The following SHANK2 variants were observed in gnomAD, a reference collection of about 807,000 sequenced individuals.
SHANK2 encodes the protein SH3 and multiple ankyrin repeat domains protein 2.
A neutral mutation model predicts 133.7 loss-of-function variants in SHANK2; 43 were observed. That is an observed-to-expected ratio of 0.32 (90% CI 0.25 to 0.41). The LOEUF (loss-of-function observed/expected upper bound fraction) is 0.41. Ranked by LOEUF, SHANK2 falls within the 10% of genes least tolerant of loss-of-function variation. The pLI is 1.00. For missense variants in SHANK2, 1,994 were observed against 2,235.8 expected (o/e 0.89, Z 2.18); for synonymous variants, 1,017 against 952.8 (o/e 1.07, Z -1.24).
At chr11:70,760,472 C>A (rs782370717) in intron 14 of SHANK2, among the ~76,000 whole-genome samples, 1 of 152,206 alleles carries the variant, frequency 6.6e-6, no homozygotes, top group South Asian at 2.1e-4. Flanking sequence ...ATTTGGAGGC[C>A]ATCGTAATCT....
At chr11:70,899,522 G>A (rs1949994051) in intron 10 of SHANK2, among the ~76,000 whole-genome samples, 1 of 152,134 alleles carries the variant, frequency 6.6e-6, no homozygotes, top group South Asian at 2.1e-4. Context: ...GCTTCCCTTG[G>A]GCATGAAGGT....
intron 17 of SHANK2, among the ~76,000 whole-genome samples, chr11:70,546,971 A>G (rs1313834020): frequency 5.3e-5 from 8 of 151,762 alleles, no homozygotes; most frequent in African/African-American, 1.9e-4. Flanking sequence ...AGAACTCCCG[A>G]CCCTGGATAC....
chr11:70,820,579 G>A lies in SHANK2; in HGVS notation c.1278C>T (p.Leu426=), dbSNP rs781818770. The change falls in exon 12 of 26, where the codon CTC becomes CTT. Residue 426 remains leucine (L), a synonymous_variant. Coordinates refer to ENST00000601538, the MANE Select transcript of SHANK2 (RefSeq NM_012309.5). ...VLLRSNSDNN[L]NASAPDWAVC... is the part of the protein sequence containing the mutation. ...CGGCCCAGTCGGGAGCGCTGGCATT[G>A]AGGTTGTTGTCACTGTTGGAGCGCA... 6 of 716,734 alleles carry A rather than the reference G, an allele frequency of 8.4e-6. No homozygotes were observed. Among genetic ancestry groups the A allele is most frequent in the South Asian group, 7.4e-5 (5 of 67,564 alleles). The allele number at this position is 716,734 out of a possible 1,614,324, so 44.4% of individuals were successfully genotyped here.
intron 8 of SHANK2, among the ~76,000 whole-genome samples, chr11:71,084,950 C>T (rs1011535737): frequency 2.6e-5 from 4 of 152,106 alleles, no homozygotes; most frequent in South Asian, 4.1e-4. Flanking sequence ...CAAATTGCTA[C>T]GGGTCCTATA....
chr11:70,875,401 T>C lies in SHANK2; in HGVS notation c.1174+21100A>G, dbSNP rs367584951. Among the ~76,000 whole-genome samples the C allele has an allele frequency of 4.4e-4, 66 of 151,418 alleles. No homozygotes were observed. The East Asian group carries it at 0.011, about 25-fold the overall frequency. On this transcript the variant is annotated intron_variant, in intron 11 of 25. Coordinates refer to ENST00000601538, the MANE Select transcript of SHANK2 (RefSeq NM_012309.5). ...TTAGCCAGGCGTGGTGGCAGGCGCC[T>C]GTAGTCCCAGCTACTCAGGAGGCTG...
At chr11:70,873,328 A>C (rs1949501484) in intron 11 of SHANK2, among the ~76,000 whole-genome samples, 1 of 152,256 alleles carries the variant, frequency 6.6e-6, no homozygotes, top group Non-Finnish European at 1.5e-5. Flanking sequence ...CGAGACTTGC[A>C]GGGCTTCCAG....
At chr11:70,740,769 A>G (rs1946506261) in intron 14 of SHANK2, among the ~76,000 whole-genome samples, 1 of 152,198 alleles carries the variant, frequency 6.6e-6, no homozygotes, top group African/African-American at 2.4e-5. Context: ...GTAGCAGTGG[A>G]CAGAGGGAGC....
chr11:70,686,761 C>T (rs1313914096), intron 15 of SHANK2, among the ~76,000 whole-genome samples: 1 of 152,184 alleles, frequency 6.6e-6, no homozygotes. Flanking sequence ...ACCAAAGACA[C>T]CTCCCTGCTT....
chr11:70,620,760 T>C (rs1320211390), intron 17 of SHANK2, among the ~76,000 whole-genome samples: 1 of 152,108 alleles, frequency 6.6e-6, no homozygotes, highest in Non-Finnish European at 1.5e-5. Context: ...AAGAAGAAAC[T>C]CCAGAGAGCT....
At chr11:70,789,368 T>C (rs1947738653) in intron 14 of SHANK2, among the ~76,000 whole-genome samples, 1 of 152,184 alleles carries the variant, frequency 6.6e-6, no homozygotes, top group Non-Finnish European at 1.5e-5. Context: ...CCTATGCTTA[T>C]GGCTAGCTTC....
intron 11 of SHANK2, among the ~76,000 whole-genome samples, chr11:70,839,392 C>T (rs1254919629): frequency 6.6e-6 from 1 of 152,182 alleles, no homozygotes; most frequent in Non-Finnish European, 1.5e-5. Context: ...TATCCGGCAG[C>T]CAGCGCAGTC....
intron 10 of SHANK2, among the ~76,000 whole-genome samples, chr11:70,949,345 G>A (rs186286337): frequency 1.3e-5 from 2 of 152,304 alleles, no homozygotes; most frequent in East Asian, 1.9e-4. Flanking sequence ...CATGCTGCCC[G>A]GCAAGCAGCT....
intron 11 of SHANK2, among the ~76,000 whole-genome samples, chr11:70,842,792 C>T (rs190597577): frequency 9.4e-4 from 143 of 152,316 alleles, no homozygotes; most frequent in Non-Finnish European, 9.0e-4. Context: ...AGGGTCTCCC[C>T]ACCCAGAGGC....
chr11:70,684,001 C>T (rs1555018959), intron 15 of SHANK2, among the ~76,000 whole-genome samples: 1 of 152,120 alleles, frequency 6.6e-6, no homozygotes, highest in Non-Finnish European at 1.5e-5. Context: ...CCAGGCTGGT[C>T]TCGAACTTCT....
chr11:70,754,237 T>A (rs919710545), intron 14 of SHANK2, among the ~76,000 whole-genome samples: 1 of 152,110 alleles, frequency 6.6e-6, no homozygotes, highest in African/African-American at 2.4e-5. Context: ...AAAAGAGAAG[T>A]GGAGGGAACG....
At chr11:70,808,734 CA>C (rs1300693722) in intron 12 of SHANK2, among the ~76,000 whole-genome samples, 1 of 151,614 alleles carries the variant, frequency 6.6e-6, no homozygotes, top group African/African-American at 2.4e-5. Flanking sequence ...GATCCTGTCT[CA>C]AAAAAACAAA....
At chr11:70,883,518 C>T (rs1949689594) in intron 11 of SHANK2, among the ~76,000 whole-genome samples, 1 of 152,136 alleles carries the variant, frequency 6.6e-6, no homozygotes, top group Non-Finnish European at 1.5e-5. Context: ...TGGGCAGGGA[C>T]AATCCAGAAC....
intron 15 of SHANK2, among the ~76,000 whole-genome samples, chr11:70,683,161 A>T (rs1555018734): frequency 6.6e-6 from 1 of 152,128 alleles, no homozygotes; most frequent in Non-Finnish European, 1.5e-5. Flanking sequence ...TTTTATTTTT[A>T]GAGATGGGAT....
At chr11:71,118,075 G>A (rs561568568) in intron 4 of SHANK2, among the ~76,000 whole-genome samples, 2 of 152,210 alleles carry the variant, frequency 1.3e-5, no homozygotes, top group Non-Finnish European at 2.9e-5. Flanking sequence ...CCCATTAGGC[G>A]CTGGGAAGGA....
Sources: allele counts gnomAD v4.1 joint callset (sites outside exome capture counted in the v4.1 genomes callset), GRCh38; gene constraint gnomAD v4.1.1; transcripts MANE v1.5; gene names NCBI Gene and HGNC (gene_info 2026-07-23, HGNC 2026-07-21).